Variants in NUP205 observed in about 807,000 individuals in gnomAD.
NUP205 encodes nucleoporin 205.
In NUP205, 76 loss-of-function variants were observed where a neutral mutation model predicts 253.8. The ratio of observed to expected loss-of-function variants is 0.30; its 90% CI spans 0.25 to 0.36. NUP205 has a LOEUF of 0.36. NUP205 is among the 10% of genes least tolerant of loss of function. The pLI is 1.00. For synonymous variants in NUP205, 832 were observed against 850.1 expected, an observed-to-expected ratio of 0.98 and a Z score of 0.37; for missense variants, 2,162 against 2,425.5, an observed-to-expected ratio of 0.89 and a Z score of 2.28.
In NUP205 at chr7:135,594,614, T is replaced by C; in HGVS notation, c.1898T>C (p.Leu633Pro). 1 of 1,613,708 alleles carries C rather than the reference T, an allele frequency of 6.2e-7. No homozygotes were observed. The highest frequency in any genetic ancestry group is 8.5e-7 in the Non-Finnish European group (1 of 1,179,796). Residue 633 changes from leucine to proline, a missense_variant, in exon 13 of 43, where the codon CTC (leucine) becomes CCC (proline). Transcript: ENST00000285968. ...ACCCCTGTTGTGGTGATTCTGGGAC[T>C]CCTCCAATGCAGTATTCCCCCTGTC... ...QWTPVVVILG[L>P]LQCSIPPVLK...
intron 15 of NUP205, among the ~76,000 whole-genome samples, chr7:135,599,984 A>G (rs1793929365): frequency 1.3e-5 from 2 of 152,158 alleles, no homozygotes; most frequent in African/African-American, 2.4e-5. Context: ...ATTTTGGAAA[A>G]TGCAAAACAG....
chr7:135,630,584 C>A, intron 35 of NUP205, 114 bp downstream of exon 35: 1 of 818,640 alleles, frequency 1.2e-6, no homozygotes. Context: ...GAAATTGGTA[C>A]TGCTAACAGA....
At position 135,581,573 on chromosome 7, in the gene NUP205, C is replaced by T. The variant is rs566835419; in HGVS notation, c.1042+2658C>T. ...AAAAATTAAAAAAACAAGCATCGGC[C>T]GGGTGTGGTGACTCACGCCTGTAAT... is the stretch of plus-strand genomic sequence containing the variant. On this transcript the variant is annotated intron_variant, in intron 7 of 42. Coordinates refer to ENST00000285968, the MANE Select transcript of NUP205 (RefSeq NM_015135.3). Among the ~76,000 whole-genome samples the T allele has an allele frequency of 6.7e-5, 10 of 150,082 alleles. No homozygotes were observed. In the South Asian group the frequency reaches 1.7e-3, roughly 25 times the overall value.
rs745471871 is a variant in NUP205 at position 135,607,254 on chromosome 7, A to G, written c.3078A>G (p.Leu1026=). Residue 1026 remains leucine, a synonymous_variant, in exon 22 of 43, where the codon TTA becomes TTG. Coordinates refer to ENST00000285968, the MANE Select transcript of NUP205 (RefSeq NM_015135.3). Reference sequence around the variant, plus strand: ...CTTTTTGGTTTCATGCAGGAGTGTTAGGTTGCCCTCGGACATGCCTTCACG... The same window carrying G: ...CTTTTTGGTTTCATGCAGGAGTGTTGGGTTGCCCTCGGACATGCCTTCACG... The part of the protein sequence containing the change: ...STTNLQDPGV[L]GCPRTCLHAI... The G allele has an allele frequency of 6.2e-7, 1 of 1,613,702 alleles. No individual in the cohort carries two copies. Among genetic ancestry groups the G allele is most frequent in the Non-Finnish European group, 8.5e-7 (1 of 1,179,872 alleles).
chr7:135,638,210 G>A, intron 37 of NUP205, 151 bp downstream of exon 37: 1 of 805,190 alleles, frequency 1.2e-6, no homozygotes, highest in Non-Finnish European at 1.9e-6. Context: ...AAGAGTTGAA[G>A]ACCATCCTAG....
At position 135,607,495 on chromosome 7, in the gene NUP205, C is replaced by T. The variant is rs942892515; in HGVS notation, c.3195+124C>T. 6 of 1,059,818 alleles carry T rather than the reference C, an allele frequency of 5.7e-6. No individual in the cohort carries two copies. The African/African-American group carries it at 8.1e-5, about 14-fold the overall frequency. 65.7% of individuals were successfully genotyped at this position (1,059,818 alleles called of 1,614,324 possible). A position where few individuals can be genotyped will look rare whatever the true frequency, so the allele number is the denominator to read the frequency against. On this transcript the variant is annotated intron_variant, in intron 22 of 42. Coordinates refer to ENST00000285968, the MANE Select transcript of NUP205 (RefSeq NM_015135.3). ...GAAATGAGTTCATTTAGCAATTTGA[C>T]CTGTCTTTCATTTGTGGATAAAATC...
intron 18 of NUP205, among the ~76,000 whole-genome samples, 173 bp from the exon 19 acceptor site, chr7:135,604,167 A>G (rs1221893456): frequency 6.6e-6 from 1 of 152,170 alleles, no homozygotes; most frequent in Non-Finnish European, 1.5e-5. Context: ...GGGGGCAGGG[A>G]TATGATTCAA....
chr7:135,584,305 A>G (rs1284669910), intron 7 of NUP205, among the ~76,000 whole-genome samples: 1 of 152,200 alleles, frequency 6.6e-6, no homozygotes, highest in Non-Finnish European at 1.5e-5. Context: ...TTAGATATAT[A>G]TTGGATATTT....
rs544703649 is a variant in NUP205, at chr7:135,644,825, T to C, written c.5560-70T>C. The C allele has an allele frequency of 2.8e-6, 4 of 1,438,354 alleles. No homozygotes were observed. In the South Asian group the frequency reaches 4.8e-5, roughly 17 times the overall value. The allele number at this position is 1,438,354 out of a possible 1,614,324, so 89.1% of individuals were successfully genotyped here. A position where few individuals can be genotyped will look rare whatever the true frequency, so the allele number is the denominator to read the frequency against. On this transcript the variant is annotated intron_variant, in intron 39 of 42. Coordinates refer to ENST00000285968, the MANE Select transcript of NUP205 (RefSeq NM_015135.3). ...CATAGCATTTATCATGGTGACCTGC[T>C]GATAGTAGTTTTTCATTAAAAATTT...
At chr7:135,635,351 T>C (rs1392257868) in intron 35 of NUP205, 5 of 322,108 alleles carry the variant, frequency 1.6e-5, no homozygotes, top group Non-Finnish European at 2.2e-5. Context: ...CCTTTTAAGA[T>C]CATTTCACTC....
At chr7:135,614,405 T>C (rs1794308507) in intron 23 of NUP205, 132 bp downstream of exon 23, 2 of 580,894 alleles carry the variant, frequency 3.4e-6, no homozygotes, top group South Asian at 2.1e-5. Flanking sequence ...TTGGGTTCTT[T>C]TTGTAATTTC....
intron 38 of NUP205, among the ~76,000 whole-genome samples, chr7:135,640,116 T>C (rs187675532): frequency 1.1e-3 from 168 of 152,282 alleles, no homozygotes; most frequent in Admixed American, 2.4e-3. Flanking sequence ...CATGTTTGGC[T>C]TAAAACCTAG....
intron 35 of NUP205, among the ~76,000 whole-genome samples, chr7:135,634,993 A>G (rs1043807941): frequency 3.9e-5 from 6 of 152,180 alleles, no homozygotes; most frequent in Non-Finnish European, 7.4e-5. Flanking sequence ...ATGATTAGTG[A>G]TGGAACAAGG....
At chr7:135,600,812 G>A in intron 15 of NUP205, 58 bp from the exon 16 acceptor site, 1 of 988,594 alleles carries the variant, frequency 1.0e-6, no homozygotes, top group Non-Finnish European at 1.5e-6. Flanking sequence ...GAAAAGCCTT[G>A]CAAGGCCACC....
chr7:135,633,290 T>A (rs1305722860), intron 35 of NUP205, among the ~76,000 whole-genome samples: 1 of 151,854 alleles, frequency 6.6e-6, no homozygotes, highest in Admixed American at 6.6e-5. Flanking sequence ...AGACTGGGTC[T>A]TACTCTGTCA....
chr7:135,569,701 C>G (rs555629773), intron 1 of NUP205, among the ~76,000 whole-genome samples: 170 of 152,038 alleles, frequency 1.1e-3, no homozygotes, highest in African/African-American at 3.5e-3. Context: ...GCACACAGCA[C>G]AAGTTTAGTC....
At chr7:135,638,414 GAA>G (rs372398905) in intron 37 of NUP205, 141 bp from the exon 38 acceptor site, 11,756 of 452,228 alleles carry the variant, frequency 0.026, no homozygotes, top group East Asian at 0.036. Flanking sequence ...GACTCCATCT[GAA>G]AAAAAAAAAA....
intron 2 of NUP205, among the ~76,000 whole-genome samples, chr7:135,572,947 T>C (rs1023527354): frequency 6.6e-6 from 1 of 150,954 alleles, no homozygotes; most frequent in Non-Finnish European, 1.5e-5. Flanking sequence ...TTTAGCTTTT[T>C]TTTTTTTTTC....
chr7:135,629,777 A>G (rs2129491975), intron 34 of NUP205, among the ~76,000 whole-genome samples: 1 of 152,246 alleles, frequency 6.6e-6, no homozygotes, highest in South Asian at 2.1e-4. Flanking sequence ...TACCCGCCTC[A>G]GCCTCCCAAA....
Sources: gnomAD v4.1 joint callset for allele counts (sites outside exome capture counted in the v4.1 genomes callset) on GRCh38, gnomAD v4.1.1 for gene constraint, MANE v1.5 for transcripts, NCBI Gene and HGNC (gene_info 2026-07-23, HGNC 2026-07-21) for gene names.